The following NTF3 variants were observed in gnomAD, a reference collection of about 807,000 sequenced individuals.
The protein encoded by NTF3 is neurotrophin-3.
In NTF3, 8 loss-of-function variants were observed where a neutral mutation model predicts 26.3. The ratio of observed to expected loss-of-function variants is 0.30; its 90% confidence interval spans 0.18 to 0.55. The LOEUF is 0.55. NTF3 is among the 20% of genes least tolerant of loss of function. NTF3 has a pLI of 0.93. For missense variants in NTF3, 276 were observed against 352.9 expected (o/e 0.78, Z 1.75); for synonymous variants, 154 against 145.5 (o/e 1.06, Z -0.42).
intron 1 of NTF3, among the ~76,000 whole-genome samples, chr12:5,448,916 C>T (rs376388073): frequency 4.9e-4 from 75 of 152,318 alleles, no homozygotes; most frequent in Non-Finnish European, 6.6e-4. Flanking sequence ...GCCACTCATT[C>T]GGCAACGCAC....
intron 1 of NTF3, among the ~76,000 whole-genome samples, chr12:5,477,705 A>G (rs946206488): frequency 6.6e-6 from 1 of 152,168 alleles, no homozygotes; most frequent in African/African-American, 2.4e-5. Context: ...CTAAGTATGG[A>G]GTGCATGATT....
chr12:5,461,101 T>A (rs2121190692), intron 1 of NTF3, among the ~76,000 whole-genome samples: 1 of 152,300 alleles, frequency 6.6e-6, no homozygotes, highest in African/African-American at 2.4e-5. Flanking sequence ...ACTATACTTA[T>A]GTATAAATCA....
rs561669528 is a variant in NTF3 at position 5,463,838 on chromosome 12, C to T, written c.19-30356C>T. Among the ~76,000 whole-genome samples, 6 of 152,332 alleles carry T rather than the reference C, an allele frequency of 3.9e-5. No homozygotes were observed. In the East Asian group the frequency reaches 9.6e-4, roughly 24 times the overall value. On this transcript the variant is annotated intron_variant, in intron 1 of 1. Coordinates refer to ENST00000423158, the MANE Select transcript of NTF3 (RefSeq NM_001102654.2). ...TTGCTGTGTGACCTTAGATAAGCAA[C>T]TACCTCTCTCTGGGCCTCAGTTTTC...
Position 5,456,403 on chromosome 12 carries a change from G to A in NTF3, c.18+24061G>A, listed in dbSNP as rs1289520521. 6.6e-6 allele frequency among the ~76,000 whole-genome samples: 1 copy of A among 152,166 alleles called. No individual in the cohort carries two copies. Among genetic ancestry groups the A allele is most frequent in the Non-Finnish European group, 1.5e-5 (1 of 68,022 alleles). On this transcript the variant is annotated intron_variant, in intron 1 of 1. Coordinates refer to ENST00000423158, the MANE Select transcript of NTF3 (RefSeq NM_001102654.2). This position sits in a 1 kb window ranked among gnomAD's most constrained non-coding sequence, Gnocchi z 4.4. The stretch of plus-strand genomic sequence containing the variant: ...CTTCCTTTACTCACCCCAGAAATCA[G>A]TGGGACCCTGGGAGCTGTGTACCCC...
At chr12:5,465,288 C>T (rs1008201246) in intron 1 of NTF3, among the ~76,000 whole-genome samples, 4 of 152,192 alleles carry the variant, frequency 2.6e-5, no homozygotes, top group Admixed American at 6.5e-5. Context: ...GGCTGCAGGC[C>T]GTTGCCTAGA....
intron 1 of NTF3, among the ~76,000 whole-genome samples, chr12:5,444,424 C>T (rs546516872): frequency 6.6e-6 from 1 of 152,260 alleles, no homozygotes; most frequent in South Asian, 2.1e-4. Context: ...CCAAACAACC[C>T]TGGGAAGTAA....
intron 1 of NTF3, among the ~76,000 whole-genome samples, chr12:5,437,747 G>C (rs765177992): frequency 1.1e-4 from 16 of 152,208 alleles, no homozygotes; most frequent in Non-Finnish European, 1.9e-4. Flanking sequence ...ATTTAAAAAT[G>C]AGTTTGTTGG....
chr12:5,470,517 T>A (rs1254573345), intron 1 of NTF3, among the ~76,000 whole-genome samples: 1 of 152,202 alleles, frequency 6.6e-6, no homozygotes, highest in Non-Finnish European at 1.5e-5. Context: ...CCACTTGCAG[T>A]CCTGGCTGTA....
Position 5,494,737 on chromosome 12 carries a change from G to T in NTF3, c.562G>T (p.Val188Leu). 6.2e-7 allele frequency: 1 copy of T among 1,614,192 alleles called. No homozygotes were observed. The highest frequency in any genetic ancestry group is 8.5e-7 in the Non-Finnish European group (1 of 1,180,038). ...AIDIRGHQVTVLGEIKTGNSP... is the reference protein window; with the variant it reads ...AIDIRGHQVTLLGEIKTGNSP... ...CGACATTCGGGGACACCAGGTCACG[G>T]TGCTGGGGGAGATCAAAACGGGCAA... The change falls in exon 2 of 2, where the codon GTG (valine) becomes TTG (leucine). Residue 188 changes from valine to leucine, a missense_variant. Physicochemically the swap from Val to Leu is conservative, Grantham distance 32 (BLOSUM62 1). Transcript: ENST00000423158. This position sits in a 1 kb window ranked among gnomAD's most constrained non-coding sequence, Gnocchi z 8.3.
intron 1 of NTF3, among the ~76,000 whole-genome samples, chr12:5,440,930 C>T (rs1940228758): frequency 1.3e-5 from 2 of 152,162 alleles, no homozygotes; most frequent in Non-Finnish European, 1.5e-5. Flanking sequence ...TTATGTGATG[C>T]CAGATAAGTC....
chr12:5,491,759 G>A (rs1265530152), intron 1 of NTF3, among the ~76,000 whole-genome samples: 6 of 127,518 alleles, frequency 4.7e-5, no homozygotes, highest in Non-Finnish European at 9.4e-5. Context: ...TTGCTCTGTC[G>A]CCCAGGCTGG....
intron 1 of NTF3, among the ~76,000 whole-genome samples, chr12:5,476,703 T>C (rs1940729201): frequency 6.6e-6 from 1 of 152,146 alleles, no homozygotes; most frequent in Non-Finnish European, 1.5e-5. Context: ...TTCAAAATAG[T>C]AAATGTCCAA....
rs1591591827 is a variant in NTF3, at chr12:5,442,074, A to C, written c.18+9732A>C. On this transcript the variant is annotated intron_variant, in intron 1 of 1. Transcript: ENST00000423158. ...GTGGTCACGTGCTAAATGTTGGGGA[A>C]GATGCAGAGATGAATGTAGTGCTGC... 1.3e-5 allele frequency among the ~76,000 whole-genome samples: 2 copies of C among 152,326 alleles called. 1 individual carries two copies. The highest frequency in any genetic ancestry group is 3.9e-4 in the East Asian group (2 of 5,170).
intron 1 of NTF3, among the ~76,000 whole-genome samples, chr12:5,463,186 T>C (rs1940544746): frequency 6.6e-6 from 1 of 152,192 alleles, no homozygotes; most frequent in Non-Finnish European, 1.5e-5. Flanking sequence ...CCAGAGAACA[T>C]GTTTTGAGCA....
At chr12:5,437,647 G>A (rs1239833131) in intron 1 of NTF3, among the ~76,000 whole-genome samples, 2 of 152,174 alleles carry the variant, frequency 1.3e-5, no homozygotes, top group East Asian at 1.9e-4. Context: ...AGCCTCACCC[G>A]CGGCTGTTTT....
At chr12:5,482,615 A>G (rs1205233219) in intron 1 of NTF3, among the ~76,000 whole-genome samples, 1 of 151,536 alleles carries the variant, frequency 6.6e-6, no homozygotes, top group Non-Finnish European at 1.5e-5. Flanking sequence ...ATTTTCCCCA[A>G]CCAGGTAGAA....
intron 1 of NTF3, among the ~76,000 whole-genome samples, chr12:5,462,780 G>A (rs761389913): frequency 3.9e-5 from 6 of 152,204 alleles, no homozygotes; most frequent in Admixed American, 1.3e-4. Flanking sequence ...GAAGGACAGA[G>A]TTAACACCCA....
chr12:5,452,534 TTACA>T (rs1940388891), intron 1 of NTF3, among the ~76,000 whole-genome samples: 1 of 152,226 alleles, frequency 6.6e-6, no homozygotes, highest in African/African-American at 2.4e-5. Context: ...TGCCATCCTT[TTACA>T]TACATTTGAA....
chr12:5,432,556 TACACACACACAC>T (rs57075143), intron 1 of NTF3, among the ~76,000 whole-genome samples: 2,798 of 124,026 alleles, frequency 0.023, 54 homozygotes, highest in East Asian at 0.084. Flanking sequence ...GCCACCCCGC[TACACACACACAC>T]ACACACACAC....
Sources: gnomAD v4.1 joint callset for allele counts (sites outside exome capture counted in the v4.1 genomes callset) on GRCh38, gnomAD v4.1.1 for gene constraint, Gnocchi (gnomAD v3.1) non-coding constraint, MANE v1.5 for transcripts, NCBI Gene and HGNC (gene_info 2026-07-23, HGNC 2026-07-21) for gene names.